The following RFX3 variants were observed in gnomAD, a reference collection of about 807,000 sequenced individuals.
RFX3 encodes transcription factor RFX3.
A neutral mutation model predicts 98.6 loss-of-function variants in RFX3; 14 were observed. That is an observed-to-expected ratio of 0.14 (90% confidence interval 0.09 to 0.22). The LOEUF (loss-of-function observed/expected upper bound fraction) is 0.22, where lower values mean the gene tolerates loss of function less well. RFX3 is among the 10% of genes least tolerant of loss of function. The pLI is 1.00. For missense variants in RFX3, 639 were observed against 926.9 expected (o/e 0.69, Z 4.03); for synonymous variants, 383 against 328.4 (o/e 1.17, Z -1.80).
At chr9:3,463,035 T>G (rs993242277) in intron 1 of RFX3, among the ~76,000 whole-genome samples, 1 of 152,086 alleles carries the variant, frequency 6.6e-6, no homozygotes, top group South Asian at 2.1e-4. Context: ...AAAATCCCAG[T>G]AGGCTTTTAA....
At chr9:3,421,662 A>G (rs1843451443) in intron 1 of RFX3, among the ~76,000 whole-genome samples, 1 of 152,220 alleles carries the variant, frequency 6.6e-6, no homozygotes, top group South Asian at 2.1e-4. Flanking sequence ...TACTCTGTTT[A>G]CAGATGGACA....
chr9:3,518,782 T>C (rs1818429084), intron 1 of RFX3, among the ~76,000 whole-genome samples: 1 of 152,216 alleles, frequency 6.6e-6, no homozygotes, highest in African/African-American at 2.4e-5. Flanking sequence ...TTTCATATTA[T>C]ATATTACACT....
chr9:3,290,761 C>T (rs1263918840), intron 6 of RFX3, among the ~76,000 whole-genome samples: 1 of 152,096 alleles, frequency 6.6e-6, no homozygotes, highest in East Asian at 1.9e-4. Context: ...TAAAATGCTA[C>T]AGAAAAGCAA....
At chr9:3,341,082 T>C (rs901483489) in intron 3 of RFX3, among the ~76,000 whole-genome samples, 2 of 152,084 alleles carry the variant, frequency 1.3e-5, no homozygotes, top group African/African-American at 4.8e-5. Flanking sequence ...CCATAAAAAA[T>C]GATGAGTTCA....
intron 2 of RFX3, among the ~76,000 whole-genome samples, chr9:3,371,316 T>C (rs1029142316): frequency 2.0e-5 from 3 of 152,202 alleles, no homozygotes; most frequent in Non-Finnish European, 2.9e-5. Flanking sequence ...ACCAATTCCA[T>C]TTCTTTAGCA....
At chr9:3,251,001 G>C (rs757256883) in intron 14 of RFX3, among the ~76,000 whole-genome samples, 3 of 151,960 alleles carry the variant, frequency 2.0e-5, no homozygotes, top group Non-Finnish European at 4.4e-5. Context: ...AAAGATATAC[G>C]TACAATCGTA....
intron 1 of RFX3, among the ~76,000 whole-genome samples, chr9:3,400,860 A>T (rs966067429): frequency 6.6e-6 from 1 of 152,230 alleles, no homozygotes; most frequent in Non-Finnish European, 1.5e-5. Context: ...CTGAGGCACA[A>T]ATGGATTAAA....
At chr9:3,381,150 AG>A (rs1208041585) in intron 2 of RFX3, among the ~76,000 whole-genome samples, 1 of 152,086 alleles carries the variant, frequency 6.6e-6, no homozygotes, top group Non-Finnish European at 1.5e-5. Context: ...ATGAACCCAT[AG>A]GCAACAAACC....
chr9:3,374,813 A>C (rs1006670726), intron 2 of RFX3, among the ~76,000 whole-genome samples: 2 of 151,862 alleles, frequency 1.3e-5, no homozygotes, highest in African/African-American at 4.8e-5. Flanking sequence ...TGTACACTTA[A>C]AAATGGTTAA....
At chr9:3,332,801 CT>C (rs1832747604) in intron 3 of RFX3, among the ~76,000 whole-genome samples, 1 of 152,166 alleles carries the variant, frequency 6.6e-6, no homozygotes, top group Non-Finnish European at 1.5e-5. Flanking sequence ...GCCATTTTCT[CT>C]TGCCTTTCTG....
intron 1 of RFX3, among the ~76,000 whole-genome samples, chr9:3,411,078 C>T (rs1378000637): frequency 6.6e-6 from 1 of 152,186 alleles, no homozygotes; most frequent in African/African-American, 2.4e-5. Context: ...TTCAAAATTA[C>T]ACACAAATAT....
intron 1 of RFX3, among the ~76,000 whole-genome samples, chr9:3,399,428 G>C (rs934658840): frequency 6.6e-6 from 1 of 151,318 alleles, no homozygotes; most frequent in Non-Finnish European, 1.5e-5. Flanking sequence ...TGGGCGACAA[G>C]ACCAAAACTC....
intron 1 of RFX3, among the ~76,000 whole-genome samples, chr9:3,467,264 G>GTACATACATACATATATATACATATATA: frequency 7.0e-6 from 1 of 142,432 alleles, no homozygotes; most frequent in Non-Finnish European, 1.5e-5. Flanking sequence ...ACATATATAT[G>GTACATACATACATATATATACATATATA]TACATACATA....
chr9:3,282,262 C>T (rs1435000615), intron 7 of RFX3, among the ~76,000 whole-genome samples: 1 of 151,704 alleles, frequency 6.6e-6, no homozygotes, highest in Non-Finnish European at 1.5e-5. Context: ...AGAATAGTAG[C>T]TAATTTTGAT....
intron 15 of RFX3, chr9:3,247,057 T>A (rs1820771491): frequency 1.0e-6 from 1 of 982,266 alleles, no homozygotes; most frequent in Non-Finnish European, 1.2e-6. Flanking sequence ...CTCTTTTTTA[T>A]TTATATAAGC....
intron 4 of RFX3, among the ~76,000 whole-genome samples, chr9:3,323,203 T>C (rs747921930): frequency 5.6e-4 from 86 of 152,296 alleles, no homozygotes; most frequent in Middle Eastern, 6.8e-3. Flanking sequence ...TGAACTAATA[T>C]GCACAGGAAC....
chr9:3,281,180 C>G (rs1172438802), intron 7 of RFX3, among the ~76,000 whole-genome samples: 1 of 151,632 alleles, frequency 6.6e-6, no homozygotes, highest in South Asian at 2.1e-4. Flanking sequence ...TATTGGCTTA[C>G]ATAGTAATTC....
intron 1 of RFX3, among the ~76,000 whole-genome samples, chr9:3,521,800 G>A (rs1818736395): frequency 6.6e-6 from 1 of 152,052 alleles, no homozygotes; most frequent in Non-Finnish European, 1.5e-5. Flanking sequence ...AGTAAAGGAT[G>A]ACAAAAGTTA....
intron 14 of RFX3, among the ~76,000 whole-genome samples, chr9:3,254,068 A>G: frequency 6.6e-6 from 1 of 152,126 alleles, no homozygotes; most frequent in East Asian, 1.9e-4. Context: ...AATAACTATA[A>G]TAGTATCTAA....
Sources: gnomAD v4.1 joint callset for allele counts (sites outside exome capture counted in the v4.1 genomes callset) on GRCh38, gnomAD v4.1.1 for gene constraint, MANE v1.5 for transcripts, NCBI Gene and HGNC (gene_info 2026-07-23, HGNC 2026-07-21) for gene names.